Variants in NHSL2 observed in about 807,000 individuals in gnomAD.
The protein encoded by NHSL2 is NHS like 2, also known as NHS-like protein 2.
A neutral mutation model predicts 53.4 loss-of-function variants in NHSL2; 27 were observed. That is an observed-to-expected ratio of 0.51 (90% CI 0.37 to 0.70). NHSL2 has a LOEUF of 0.70. Among genes scored for constraint, NHSL2 ranks in the 30% least tolerant of loss-of-function variants. The pLI, the probability that NHSL2 is intolerant of heterozygous loss-of-function variation, is 0.00. For missense variants in NHSL2, 892 were observed against 980.1 expected, an observed-to-expected ratio of 0.91 and a Z score of 1.20; for synonymous variants, 408 against 404.1, an observed-to-expected ratio of 1.01 and a Z score of -0.12.
At chrX:72,131,001 A>G (rs1378623101) in intron 1 of NHSL2, 3 of 1,209,301 alleles carry the variant, frequency 2.5e-6, no homozygotes, top group Non-Finnish European at 3.4e-6. Context: ...CCCCGGGGAA[A>G]TGAACCTCAT....
At chrX:72,043,066 G>A (rs761658007) in intron 1 of NHSL2, among the ~76,000 whole-genome samples, 12 of 111,116 alleles carry the variant, frequency 1.1e-4, no homozygotes, top group Non-Finnish European at 1.7e-4. Context: ...CAGTCCTGCC[G>A]CTGAGGTTCC....
chrX:71,986,946 G>A (rs190509112), intron 1 of NHSL2, among the ~76,000 whole-genome samples: 4 of 111,643 alleles, frequency 3.6e-5, no homozygotes, highest in South Asian at 3.7e-4. Context: ...AAAACAATCC[G>A]TTAACCCTTT....
intron 1 of NHSL2, among the ~76,000 whole-genome samples, chrX:72,087,439 T>C (rs773565237): frequency 8.9e-6 from 1 of 112,813 alleles, no homozygotes; most frequent in East Asian, 2.8e-4. Flanking sequence ...ATAGTGGTGA[T>C]GGTTGTACAA....
chrX:72,108,177 C>T (rs1438355019), intron 1 of NHSL2, among the ~76,000 whole-genome samples: 2 of 111,725 alleles, frequency 1.8e-5, no homozygotes, highest in Non-Finnish European at 3.8e-5. Context: ...AAGTAAAAAC[C>T]GGGACCCAGT....
intron 1 of NHSL2, among the ~76,000 whole-genome samples, chrX:72,106,160 G>A (rs1183234008): frequency 9.1e-6 from 1 of 110,311 alleles, no homozygotes; most frequent in African/African-American, 3.3e-5. Flanking sequence ...GCAGTGAGCC[G>A]AGATCGCGCC....
chrX:72,044,519 C>T (rs974323407), intron 1 of NHSL2: 295 of 575,814 alleles, frequency 5.1e-4, no homozygotes, highest in Non-Finnish European at 7.8e-4. Flanking sequence ...AAGAGTGGCC[C>T]GCTCTCTCCG....
At position 72,139,267 on chromosome X, in the gene NHSL2, C is replaced by T; in HGVS notation, c.1719C>T (p.Arg573=). 8.3e-7 allele frequency: 1 copy of T among 1,198,197 alleles called. No individual in the cohort carries two copies. The highest frequency in any genetic ancestry group is 2.3e-5 in the Admixed American group (1 of 43,994). Residue 573 remains arginine, a synonymous_variant, in exon 6 of 8, where the codon CGC becomes CGT. Transcript: ENST00000633930. The part of the protein sequence containing the change: ...KAKKKPSPPT[R]SVSLVKDEPG... ...AAAAGAAGCCTTCCCCACCCACACG[C>T]AGTGTCTCACTGGTCAAAGATGAGC...
intron 1 of NHSL2, chrX:72,027,816 G>A (rs2042193356): frequency 1.7e-5 from 2 of 115,567 alleles, no homozygotes; most frequent in African/African-American, 3.3e-5. Context: ...CTTGGTAACC[G>A]AGGCAGGAAG....
chrX:71,957,518 G>A (rs2041848338), intron 1 of NHSL2, among the ~76,000 whole-genome samples: 1 of 111,843 alleles, frequency 8.9e-6, no homozygotes, highest in African/African-American at 3.3e-5. Flanking sequence ...CGCCTGACTT[G>A]GCCTCCCAAA....
chrX:72,018,169 G>A (rs1765023851), intron 1 of NHSL2, among the ~76,000 whole-genome samples: 2 of 111,870 alleles, frequency 1.8e-5, no homozygotes, highest in Admixed American at 9.4e-5. Context: ...CCTCTATGAG[G>A]TGGTCCAACC....
chrX:72,008,933 TC>T (rs1319487701), intron 1 of NHSL2, among the ~76,000 whole-genome samples: 2 of 111,602 alleles, frequency 1.8e-5, no homozygotes, highest in Non-Finnish European at 3.8e-5. Context: ...CTGCTCAACA[TC>T]CTCCACTTGC....
At chrX:72,047,998 A>G (rs776968320) in intron 1 of NHSL2, among the ~76,000 whole-genome samples, 1 of 108,527 alleles carries the variant, frequency 9.2e-6, no homozygotes, top group Non-Finnish European at 1.9e-5. Flanking sequence ...GCTAACCCAG[A>G]CCTGTCTGTC....
intron 1 of NHSL2, among the ~76,000 whole-genome samples, chrX:72,090,239 A>G (rs2041884782): frequency 9.1e-6 from 1 of 110,206 alleles, no homozygotes; most frequent in African/African-American, 3.3e-5. Context: ...AATTTTTTGT[A>G]TTTTTTGTAG....
In NHSL2 at chrX:72,147,853, C is replaced by T. The variant is rs1384693806; in HGVS notation, c.*4279C>T. The T allele has an allele frequency of 8.9e-6, 1 of 112,284 alleles. No individual in the cohort carries two copies. The highest frequency in any genetic ancestry group is 1.9e-5 in the Non-Finnish European group (1 of 53,285). 9.3% of individuals were successfully genotyped at this position (112,284 alleles called of 1,213,427 possible). A position where few individuals can be genotyped will look rare whatever the true frequency, so the allele number is the denominator to read the frequency against. On this transcript the variant is annotated 3_prime_UTR_variant, in exon 8 of 8. Transcript: ENST00000633930. ...GCTTAATGCTACCTCTTTTGAGGGTCAGTTGCATTTTAACAAGGGAAAAGC... is the reference window on the plus strand; with the variant it reads ...GCTTAATGCTACCTCTTTTGAGGGTTAGTTGCATTTTAACAAGGGAAAAGC...
chrX:72,015,168 G>T (rs968006020), intron 1 of NHSL2, among the ~76,000 whole-genome samples: 1 of 111,176 alleles, frequency 9.0e-6, no homozygotes, highest in Non-Finnish European at 1.9e-5. Flanking sequence ...ACCACATGCC[G>T]TTCCTTGAGT....
At chrX:71,927,061 T>C (rs1477573566) in intron 1 of NHSL2, among the ~76,000 whole-genome samples, 1 of 111,930 alleles carries the variant, frequency 8.9e-6, no homozygotes, top group Non-Finnish European at 1.9e-5. Flanking sequence ...CCAGGTTAAA[T>C]TATTTGTCCT....
intron 1 of NHSL2, among the ~76,000 whole-genome samples, chrX:71,920,646 C>G (rs2041652796): frequency 9.0e-6 from 1 of 111,306 alleles, no homozygotes; most frequent in Non-Finnish European, 1.9e-5. Flanking sequence ...ACCCAGTTTC[C>G]TGACTTATTT....
chrX:72,133,834 C>T (rs1279434894), intron 2 of NHSL2: 1 of 291,595 alleles, frequency 3.4e-6, no homozygotes, highest in African/African-American at 2.7e-5. Context: ...AGGTGGGGAT[C>T]ATTGAGATAA....
chrX:71,927,702 C>CG (rs1439170953), intron 1 of NHSL2, among the ~76,000 whole-genome samples: 1 of 111,069 alleles, frequency 9.0e-6, no homozygotes, highest in African/African-American at 3.3e-5. Flanking sequence ...ATTACAGGCG[C>CG]CTGCCACCAA....
Sources: allele counts gnomAD v4.1 joint callset (sites outside exome capture counted in the v4.1 genomes callset), GRCh38; gene constraint gnomAD v4.1.1; transcripts MANE v1.5; gene names NCBI Gene and HGNC (gene_info 2026-07-23, HGNC 2026-07-21).